Variants in CLNK observed in about 807,000 individuals in gnomAD.
CLNK encodes the protein cytokine-dependent hematopoietic cell linker.
CLNK carries 74 observed loss-of-function variants against 68.6 expected under a neutral mutation model. The observed-to-expected ratio is 1.08, with a 90% CI of 0.89 to 1.31. The LOEUF is 1.31. CLNK is among the 50% of genes most tolerant of loss of function. The pLI is 0.00. For missense variants in CLNK, 553 were observed against 515.3 expected (o/e 1.07, Z -0.71); for synonymous variants, 198 against 172.2 (o/e 1.15, Z -1.17).
chr4:10,557,397 G>T (rs773897063), intron 8 of CLNK, among the ~76,000 whole-genome samples: 1 of 152,142 alleles, frequency 6.6e-6, no homozygotes, highest in African/African-American at 2.4e-5. Flanking sequence ...AGGGAGGTTG[G>T]AGAGAGAGAT....
At chr4:10,715,463 C>A in the CLNK span, among the ~76,000 whole-genome samples, 3 of 152,124 alleles carry the variant, frequency 2.0e-5, no homozygotes, top group African/African-American at 4.8e-5. Context: ...ATAGTCTTTG[C>A]CACAATGTTG....
At chr4:10,580,979 C>T (rs751148722) in intron 4 of CLNK, among the ~76,000 whole-genome samples, 7 of 152,188 alleles carry the variant, frequency 4.6e-5, no homozygotes, top group Admixed American at 2.0e-4. Context: ...ATTTCCAGTC[C>T]GCAAGCTCCC....
At chr4:10,503,154 G>A (rs2109026589) in intron 17 of CLNK, among the ~76,000 whole-genome samples, 1 of 152,206 alleles carries the variant, frequency 6.6e-6, no homozygotes, top group Middle Eastern at 3.4e-3. Flanking sequence ...TGTATAGATG[G>A]TTATAAGTGA....
the CLNK span, among the ~76,000 whole-genome samples, chr4:10,721,444 A>G: frequency 1.3e-5 from 2 of 152,242 alleles, no homozygotes; most frequent in African/African-American, 2.4e-5. Flanking sequence ...ACACATTGAC[A>G]TAATTCTCTC....
At chr4:10,688,985 T>C (rs1013524722), upstream of CLNK, among the ~76,000 whole-genome samples, 1 of 152,102 alleles carries the variant, frequency 6.6e-6, no homozygotes, top group Non-Finnish European at 1.5e-5. Flanking sequence ...ATAAACATTT[T>C]GTGCAGAAAC....
chr4:10,547,633 A>G (rs1719287499), intron 8 of CLNK, among the ~76,000 whole-genome samples: 1 of 152,092 alleles, frequency 6.6e-6, no homozygotes, highest in South Asian at 2.1e-4. Context: ...CCCTTTAAGC[A>G]TCACCTTCCT....
intron 1 of CLNK, among the ~76,000 whole-genome samples, chr4:10,675,793 G>T (rs1220776209): frequency 2.0e-5 from 3 of 152,066 alleles, no homozygotes; most frequent in Non-Finnish European, 4.4e-5. Flanking sequence ...CTAAAGAAAA[G>T]CTTTGAATGA....
chr4:10,502,011 A>G lies in CLNK; in HGVS notation c.985-600T>C, dbSNP rs78267233. ...AGTGCTCATGAACTTAGCATGACCA[A>G]CCTATCTTGCAGTTTGATCTCTCAT... is the stretch of plus-strand genomic sequence containing the variant. On this transcript the variant is annotated intron_variant, in intron 17 of 18. Coordinates refer to ENST00000226951, the MANE Select transcript of CLNK (RefSeq NM_052964.4). 8.3e-3 allele frequency among the ~76,000 whole-genome samples: 1,262 copies of G among 152,326 alleles called. 48 individuals are homozygous for G. In the East Asian group the frequency reaches 0.12, roughly 14 times the overall value.
At chr4:10,692,320 C>G in the CLNK span, among the ~76,000 whole-genome samples, 1 of 152,148 alleles carries the variant, frequency 6.6e-6, no homozygotes, top group Non-Finnish European at 1.5e-5. Flanking sequence ...ATCTTTAACC[C>G]TCAGATCACT....
At chr4:10,661,244 A>G (rs1352312699) in intron 2 of CLNK, among the ~76,000 whole-genome samples, 1 of 152,176 alleles carries the variant, frequency 6.6e-6, no homozygotes, top group East Asian at 1.9e-4. Flanking sequence ...AATATCATCT[A>G]TTGGGCAGCT....
intron 8 of CLNK, among the ~76,000 whole-genome samples, chr4:10,555,900 C>T (rs1004900439): frequency 1.3e-5 from 2 of 152,104 alleles, no homozygotes; most frequent in Non-Finnish European, 2.9e-5. Flanking sequence ...AGATATGGTA[C>T]CTTAGAGCTC....
chr4:10,683,840 C>A (rs1454763370), intron 1 of CLNK, among the ~76,000 whole-genome samples: 2 of 152,162 alleles, frequency 1.3e-5, no homozygotes, highest in African/African-American at 4.8e-5. Context: ...TATTGAGGAG[C>A]TGCGCCACAG....
intron 2 of CLNK, among the ~76,000 whole-genome samples, chr4:10,640,802 C>T (rs979973798): frequency 2.0e-5 from 3 of 152,210 alleles, no homozygotes; most frequent in African/African-American, 7.2e-5. Context: ...GTCCTTGTAG[C>T]AAGAACTATA....
intron 8 of CLNK, among the ~76,000 whole-genome samples, chr4:10,557,605 C>G (rs370018273): frequency 7.2e-5 from 11 of 152,304 alleles, no homozygotes; most frequent in African/African-American, 2.6e-4. Flanking sequence ...TTTGTTCTTC[C>G]CCCTATACCA....
chr4:10,531,790 C>T (rs1405361470), intron 12 of CLNK: 5 of 457,176 alleles, frequency 1.1e-5, no homozygotes, highest in Non-Finnish European at 2.2e-5. Context: ...TGAGTAAGAG[C>T]ATTTTCTGAA....
the CLNK span, among the ~76,000 whole-genome samples, chr4:10,718,509 A>C: frequency 5.0e-3 from 755 of 152,224 alleles, 10 homozygotes; most frequent in African/African-American, 0.017. Flanking sequence ...CCTGAAGAAA[A>C]TAAGATAACT....
chr4:10,556,581 T>C (rs1204566653), intron 8 of CLNK, among the ~76,000 whole-genome samples: 1 of 152,184 alleles, frequency 6.6e-6, no homozygotes, highest in Non-Finnish European at 1.5e-5. Flanking sequence ...ATGAAGTTCA[T>C]TTCTCATCTG....
intron 1 of CLNK, among the ~76,000 whole-genome samples, chr4:10,669,129 A>G (rs1724525981): frequency 6.6e-6 from 1 of 152,148 alleles, no homozygotes; most frequent in Admixed American, 6.5e-5. Flanking sequence ...TCTGCCATTC[A>G]TCTATCCATT....
At chr4:10,590,349 T>C (rs966981362) in intron 3 of CLNK, among the ~76,000 whole-genome samples, 5 of 152,250 alleles carry the variant, frequency 3.3e-5, no homozygotes, top group African/African-American at 4.8e-5. Context: ...CAGGGCATGC[T>C]TGCCTTCTAC....
Sources: allele counts gnomAD v4.1 joint callset (sites outside exome capture counted in the v4.1 genomes callset), GRCh38; gene constraint gnomAD v4.1.1; transcripts MANE v1.5; gene names NCBI Gene and HGNC (gene_info 2026-07-23, HGNC 2026-07-21).